LINGO2: variants seen among roughly 807,000 people sequenced by gnomAD.
The protein encoded by LINGO2 is leucine-rich repeat and immunoglobulin-like domain-containing nogo receptor-interacting protein 2.
In LINGO2, 14 loss-of-function variants were observed where a neutral mutation model predicts 30.6. The ratio of observed to expected loss-of-function variants is 0.46; its 90% confidence interval spans 0.30 to 0.72. LINGO2 has a LOEUF of 0.72. Ranked by LOEUF, LINGO2 falls within the 30% of genes least tolerant of loss-of-function variation. The pLI, the probability that LINGO2 is intolerant of heterozygous loss-of-function variation, is 0.07. For missense variants in LINGO2, 729 were observed against 751.7 expected (o/e 0.97, Z 0.35); for synonymous variants, 317 against 288.5 (o/e 1.10, Z -1.00).
intron 5 of LINGO2, among the ~76,000 whole-genome samples, chr9:28,003,366 GATAGATAGATAGATAGATAT>G (rs1173777024): frequency 2.8e-5 from 4 of 145,138 alleles, no homozygotes; most frequent in African/African-American, 8.0e-5. Flanking sequence ...TAGATAGATA[GATAGATAGATAGATAGATAT>G]AGAGAGAGAG....
chr9:28,087,828 A>G, intron 4 of LINGO2, among the ~76,000 whole-genome samples: 1 of 152,040 alleles, frequency 6.6e-6, no homozygotes, highest in Non-Finnish European at 1.5e-5. Flanking sequence ...TAACATGAGT[A>G]ACCCATGAGA....
the LINGO2 span, among the ~76,000 whole-genome samples, chr9:28,959,346 A>C: frequency 6.6e-6 from 1 of 152,064 alleles, no homozygotes; most frequent in Non-Finnish European, 1.5e-5. Context: ...TTGGGAAATA[A>C]ATTGCTGAGG....
intron 4 of LINGO2, among the ~76,000 whole-genome samples, chr9:28,248,223 T>C (rs1822071780): frequency 6.6e-6 from 1 of 152,044 alleles, no homozygotes; most frequent in Non-Finnish European, 1.5e-5. Context: ...CATTAACAGA[T>C]GAAAGGATGG....
intron 4 of LINGO2, among the ~76,000 whole-genome samples, chr9:28,015,114 C>G (rs1016304209): frequency 6.6e-6 from 1 of 152,034 alleles, no homozygotes; most frequent in African/African-American, 2.4e-5. Flanking sequence ...CAAAAGGCAA[C>G]CAAATCGTCC....
chr9:27,978,310 TAAC>T (rs1329093582), intron 5 of LINGO2, among the ~76,000 whole-genome samples: 1 of 152,080 alleles, frequency 6.6e-6, no homozygotes, highest in African/African-American at 2.4e-5. Context: ...ATCAAACAGA[TAAC>T]AACTAGATTT....
chr9:28,986,626 T>C, the LINGO2 span, among the ~76,000 whole-genome samples: 2 of 151,990 alleles, frequency 1.3e-5, no homozygotes, highest in Non-Finnish European at 2.9e-5. Context: ...CAGATGTTCT[T>C]CGACATACAA....
chr9:28,714,145 G>A, the LINGO2 span, among the ~76,000 whole-genome samples: 9 of 138,996 alleles, frequency 6.5e-5, no homozygotes, highest in East Asian at 1.1e-3. Flanking sequence ...GGTGACAAGA[G>A]TGAAACTATG....
At chr9:28,983,695 G>T in the LINGO2 span, among the ~76,000 whole-genome samples, 1 of 151,472 alleles carries the variant, frequency 6.6e-6, no homozygotes, top group Non-Finnish European at 1.5e-5. Flanking sequence ...TGATAGGGAG[G>T]GTAACGATTG....
At chr9:28,336,349 CCCT>C (rs1825588551) in intron 3 of LINGO2, among the ~76,000 whole-genome samples, 1 of 151,814 alleles carries the variant, frequency 6.6e-6, no homozygotes, top group Non-Finnish European at 1.5e-5. Context: ...GAAGTATTTC[CCCT>C]CAAGTTGGTA....
downstream of LINGO2, among the ~76,000 whole-genome samples, chr9:27,947,689 T>C (rs13294649): frequency 0.83 from 126,076 of 152,182 alleles, 54,726 homozygotes; most frequent in Non-Finnish European, 0.95. Context: ...CAATCTAGCA[T>C]GCAGGCAGCT....
intron 4 of LINGO2, among the ~76,000 whole-genome samples, chr9:28,267,998 A>C (rs977050455): frequency 6.6e-6 from 1 of 152,094 alleles, no homozygotes; most frequent in Admixed American, 6.6e-5. Flanking sequence ...CTATTATGAG[A>C]AAGTACTCAG....
chr9:28,841,272 TG>T, the LINGO2 span, among the ~76,000 whole-genome samples: 1 of 151,750 alleles, frequency 6.6e-6, no homozygotes, highest in African/African-American at 2.4e-5. Context: ...TACTCATGGC[TG>T]GACATAGAAT....
chr9:28,134,045 C>A (rs1207144584), intron 4 of LINGO2, among the ~76,000 whole-genome samples: 1 of 152,142 alleles, frequency 6.6e-6, no homozygotes, highest in East Asian at 1.9e-4. Context: ...TGCTTTTTCT[C>A]CCTTATATAC....
At chr9:28,365,950 C>G (rs1820654369) in intron 3 of LINGO2, among the ~76,000 whole-genome samples, 1 of 152,068 alleles carries the variant, frequency 6.6e-6, no homozygotes, top group Non-Finnish European at 1.5e-5. Flanking sequence ...AGCCCTGAGT[C>G]AGGAGTCAGT....
chr9:28,632,856 TTATA>T (rs543651831), intron 1 of LINGO2, among the ~76,000 whole-genome samples: 2 of 93,650 alleles, frequency 2.1e-5, no homozygotes, highest in East Asian at 3.0e-4. Flanking sequence ...TATATATTTT[TTATA>T]TATATATATA....
chr9:28,244,776 C>G (rs991736823), intron 4 of LINGO2, among the ~76,000 whole-genome samples: 3 of 150,386 alleles, frequency 2.0e-5, no homozygotes, highest in Admixed American at 6.6e-5. Context: ...CTTGCATAGA[C>G]CAATAACAAG....
the LINGO2 span, among the ~76,000 whole-genome samples, chr9:28,968,944 G>C: frequency 6.6e-6 from 1 of 152,134 alleles, no homozygotes; most frequent in African/African-American, 2.4e-5. Flanking sequence ...AAGGAACATA[G>C]TGATTCTTAT....
At chr9:28,349,257 T>A (rs1819742395) in intron 3 of LINGO2, among the ~76,000 whole-genome samples, 1 of 149,336 alleles carries the variant, frequency 6.7e-6, no homozygotes, top group Non-Finnish European at 1.5e-5. Flanking sequence ...TTGAAAAAAA[T>A]TTAGAAGAAT....
chr9:28,363,807 T>G (rs1820548215), intron 3 of LINGO2, among the ~76,000 whole-genome samples: 1 of 152,198 alleles, frequency 6.6e-6, no homozygotes, highest in Admixed American at 6.5e-5. Context: ...TTGACAATTA[T>G]TTTCTCCTAA....
Sources: allele counts gnomAD v4.1 joint callset (sites outside exome capture counted in the v4.1 genomes callset), GRCh38; gene constraint gnomAD v4.1.1; transcripts MANE v1.5; gene names NCBI Gene and HGNC (gene_info 2026-07-23, HGNC 2026-07-21).